Variants in PCNX2 observed in about 807,000 individuals in gnomAD.
PCNX2 encodes pecanex 2.
Under a neutral mutation model 223.8 loss-of-function variants are expected in PCNX2, and 168 were observed. That is an observed-to-expected ratio of 0.75 (90% CI 0.66 to 0.85). The LOEUF is 0.85. PCNX2 is among the 40% of genes least tolerant of loss of function. The pLI, the probability that PCNX2 is intolerant of heterozygous loss-of-function variation, is 0.00. For missense variants in PCNX2, 2,507 were observed against 2,675.5 expected (o/e 0.94, Z 1.39); for synonymous variants, 1,006 against 1,052.6 (o/e 0.96, Z 0.86).
intron 23 of PCNX2, among the ~76,000 whole-genome samples, chr1:233,066,673 G>T (rs377730706): frequency 1.8e-3 from 275 of 152,322 alleles, no homozygotes; most frequent in African/African-American, 6.2e-3. Flanking sequence ...GGCCAGTAGC[G>T]CAAACCAAGC....
intron 9 of PCNX2, among the ~76,000 whole-genome samples, chr1:233,229,539 G>A (rs1184257457): frequency 1.3e-5 from 2 of 152,094 alleles, no homozygotes; most frequent in Non-Finnish European, 2.9e-5. Flanking sequence ...AGGTGCACAG[G>A]AGCCCATGGT....
intron 23 of PCNX2, among the ~76,000 whole-genome samples, chr1:233,068,371 AAAG>A (rs1672708912): frequency 6.6e-6 from 1 of 152,152 alleles, no homozygotes; most frequent in Admixed American, 6.5e-5. Context: ...TAAGAAAAGA[AAAG>A]AAGAGAAAGA....
At chr1:233,181,458 A>G (rs1679797899) in intron 15 of PCNX2, among the ~76,000 whole-genome samples, 1 of 152,122 alleles carries the variant, frequency 6.6e-6, no homozygotes, top group South Asian at 2.1e-4. Flanking sequence ...TCGGCCTCGC[A>G]AAGTGCTGGG....
the PCNX2 span, among the ~76,000 whole-genome samples, chr1:233,309,006 G>C: frequency 6.6e-6 from 1 of 152,164 alleles, no homozygotes; most frequent in Admixed American, 6.5e-5. Context: ...ATACACCTAT[G>C]AAAGAGTGTC....
chr1:233,218,528 G>A (rs183181679), intron 10 of PCNX2, among the ~76,000 whole-genome samples: 3 of 152,192 alleles, frequency 2.0e-5, no homozygotes, highest in Admixed American at 6.5e-5. Flanking sequence ...GGGATTACAG[G>A]CGTGAGCCAC....
chr1:233,081,994 TTGTGTGTGTGTGTG>T (rs57675075), intron 23 of PCNX2, among the ~76,000 whole-genome samples: 1 of 148,286 alleles, frequency 6.7e-6, no homozygotes, highest in South Asian at 2.2e-4. Flanking sequence ...CTGTGTGTGT[TTGTGTGTGTGTGTG>T]TGTGTGTGTG....
At chr1:232,984,509 C>A in intron 33 of PCNX2, 32 bp from the exon 34 acceptor site, 1 of 1,599,696 alleles carries the variant, frequency 6.3e-7, no homozygotes, top group South Asian at 1.1e-5. Context: ...CAGTGAACAG[C>A]TCAGCAAACG....
chr1:233,240,785 C>T (rs1658717188), intron 8 of PCNX2, among the ~76,000 whole-genome samples: 1 of 152,106 alleles, frequency 6.6e-6, no homozygotes, highest in Non-Finnish European at 1.5e-5. Flanking sequence ...AGGAGTTGGG[C>T]CTCAAATTGA....
rs1260749913 is a variant in PCNX2, at chr1:233,252,766, C to CT, written c.1856dup (p.Glu620GlyfsTer7). The CT allele has an allele frequency of 6.2e-7, 1 of 1,611,094 alleles. No homozygotes were observed. The highest frequency in any genetic ancestry group is 1.7e-5 in the Admixed American group (1 of 59,598). On this transcript the variant is annotated frameshift_variant, in exon 6 of 34. Coordinates refer to ENST00000258229, the MANE Select transcript of PCNX2 (RefSeq NM_014801.4). LOFTEE classifies it high-confidence loss of function. ...GCTTTTCATTTTCCAGGATTTCCTC[C>CT]TTTTTTTCCTGGGAACAGTTATCTG...
chr1:233,009,183 C>T lies in PCNX2; in HGVS notation c.4952+5482G>A, dbSNP rs111570231. Among the ~76,000 whole-genome samples, 289 of 152,260 alleles carry T rather than the reference C, an allele frequency of 1.9e-3. 1 individual carries two copies. The highest frequency in any genetic ancestry group is 6.8e-3 in the African/African-American group (284 of 41,552). On this transcript the variant is annotated intron_variant, in intron 28 of 33. Coordinates refer to ENST00000258229, the MANE Select transcript of PCNX2 (RefSeq NM_014801.4). ...TCATCTCTCATGCCTTCAGAGAAGA[C>T]GAAATGCATTAACTCTCCTAACTTG...
chr1:233,227,346 G>A lies in PCNX2; in HGVS notation c.2384C>T (p.Ser795Leu), dbSNP rs369299908. Residue 795 changes from serine (S) to leucine (L), a missense_variant, in exon 10 of 34, where the codon TCG becomes TTG. Around this residue, in one of 3 missense-constraint regions of PCNX2, gnomAD observed 1,031 missense variants for 1,021.7 expected, o/e 1.01. Transcript: ENST00000258229. ...TTTTCCTTGTGTTGAAGAACATGACGAGGCTTCCAGATCCTGACTCACATG... is the reference window on the plus strand; with the variant it reads ...TTTTCCTTGTGTTGAAGAACATGACAAGGCTTCCAGATCCTGACTCACATG... Reference protein sequence around the residue: ...PRHVSQDLEASSCSSTQGKFN... With the variant: ...PRHVSQDLEALSCSSTQGKFN... The A allele has an allele frequency of 1.0e-4, 161 of 1,613,306 alleles. No homozygotes were observed. Among genetic ancestry groups the A allele is most frequent in the Middle Eastern group, 4.9e-4 (3 of 6,062 alleles).
At chr1:233,205,485 G>A (rs912111422) in intron 13 of PCNX2, among the ~76,000 whole-genome samples, 1 of 152,172 alleles carries the variant, frequency 6.6e-6, no homozygotes, top group Non-Finnish European at 1.5e-5. Flanking sequence ...CCTGAGGTCA[G>A]GAGTTCGAAA....
chr1:233,258,938 C>T lies in PCNX2; in HGVS notation c.924G>A (p.Leu308=). The T allele has an allele frequency of 5.0e-6, 8 of 1,613,926 alleles. No individual in the cohort carries two copies. The highest frequency in any genetic ancestry group is 6.8e-6 in the Non-Finnish European group (8 of 1,179,878). Residue 308 remains leucine, a synonymous_variant, in exon 5 of 34, where the codon CTG becomes CTA. Coordinates refer to ENST00000258229, the MANE Select transcript of PCNX2 (RefSeq NM_014801.4). ...TGTCACATTGAGGGCAGCTGCTGCT[C>T]AGGCTGTCCTGAGGTGACTTGCTTT... ...RVQSKSPQDS[L]SSSCPQCDTI...
chr1:233,265,121 T>C (rs1170034152), intron 1 of PCNX2, among the ~76,000 whole-genome samples: 2 of 151,960 alleles, frequency 1.3e-5, no homozygotes, highest in Admixed American at 6.6e-5. Flanking sequence ...CATGCACCTA[T>C]AGTCCTTGCT....
chr1:233,240,771 T>C (rs1658716341), intron 8 of PCNX2, among the ~76,000 whole-genome samples: 1 of 152,184 alleles, frequency 6.6e-6, no homozygotes, highest in Admixed American at 6.5e-5. Context: ...CACTTCTGTA[T>C]GGAAGGAGTT....
At chr1:233,090,275 T>G in intron 22 of PCNX2, 85 bp from the exon 23 acceptor site, 13 of 1,447,122 alleles carry the variant, frequency 9.0e-6, no homozygotes, top group Non-Finnish European at 1.2e-5. Context: ...GAGTTTTCAC[T>G]AAAGTCATTT....
chr1:233,202,825 C>T (rs557212513), intron 13 of PCNX2, among the ~76,000 whole-genome samples: 2 of 152,274 alleles, frequency 1.3e-5, no homozygotes, highest in Admixed American at 6.5e-5. Context: ...CAAAAAAACA[C>T]AGAGCAGAGG....
chr1:233,321,719 G>A, the PCNX2 span, among the ~76,000 whole-genome samples: 20 of 152,108 alleles, frequency 1.3e-4, no homozygotes, highest in African/African-American at 4.6e-4. Context: ...AAATAAAATC[G>A]GTATTTTTTA....
chr1:233,078,377 A>G lies in PCNX2; in HGVS notation c.4076+11684T>C, dbSNP rs1673196818. Among the ~76,000 whole-genome samples, 3 of 152,268 alleles carry G rather than the reference A, an allele frequency of 2.0e-5. No individual in the cohort carries two copies. The South Asian group carries it at 6.2e-4, about 31-fold the overall frequency. On this transcript the variant is annotated intron_variant, in intron 23 of 33. Transcript: ENST00000258229. ...ATCTGCCTAAGAAATCTCCTGCATC[A>G]TATTTATTTGAGCCACGTAGTAAAA...
Sources: gnomAD v4.1 joint callset for allele counts (sites outside exome capture counted in the v4.1 genomes callset) on GRCh38, gnomAD v4.1.1 for gene constraint, gnomAD v4.1.1 regional missense constraint, MANE v1.5 for transcripts, NCBI Gene and HGNC (gene_info 2026-07-23, HGNC 2026-07-21) for gene names.